NCAPH2: variants seen among roughly 807,000 people sequenced by gnomAD.
NCAPH2 encodes the protein condensin-2 complex subunit H2.
In NCAPH2, 56 loss-of-function variants were observed where a neutral mutation model predicts 88.6. That is an observed-to-expected ratio of 0.63 (90% CI 0.51 to 0.79). The LOEUF is 0.79. Ranked by LOEUF, NCAPH2 falls within the 30% of genes least tolerant of loss-of-function variation. The pLI is 0.00. For synonymous variants in NCAPH2, 378 were observed against 313.6 expected (o/e 1.21, Z -2.17); for missense variants, 794 against 792.0 (o/e 1.00, Z -0.03).
In NCAPH2 at chr22:50,518,148, C is replaced by T; in HGVS notation, c.516C>T (p.Val172=). 1 of 1,614,044 alleles carries T rather than the reference C, an allele frequency of 6.2e-7. No homozygotes were observed. Among genetic ancestry groups the T allele is most frequent in the Non-Finnish European group, 8.5e-7 (1 of 1,179,978 alleles). Residue 172 remains valine (V), a synonymous_variant, in exon 7 of 20, where the codon GTC becomes GTT. Coordinates refer to ENST00000420993, the MANE Select transcript of NCAPH2 (RefSeq NM_152299.4). ...NNPLYSRQGE[V]LASRKDFRMN... ...GCCAGCACAGCCGTCAGGGTGAGGT[C>T]CTGGCCAGCCGGAAGGATTTCAGGA... is the stretch of plus-strand genomic sequence containing the variant.
chr22:50,521,649 C>A (rs780343233), intron 11 of NCAPH2, 40 bp downstream of exon 11: 4 of 1,606,064 alleles, frequency 2.5e-6, no homozygotes, highest in Non-Finnish European at 3.4e-6. Flanking sequence ...GTACCCCTGG[C>A]TGGGTTTCCT....
rs2068968668 is a variant in NCAPH2, at chr22:50,517,759, T to C, written c.370T>C (p.Phe124Leu). 2 of 1,614,026 alleles carry C rather than the reference T, an allele frequency of 1.2e-6. No individual in the cohort carries two copies. The highest frequency in any genetic ancestry group is 4.5e-5 in the East Asian group (2 of 44,882). ...CCTCCAGTTCCTGTCGCTGGATGAC[T>C]TCCCTGACTCCCGGACTAACGTGGA... ...AENEFLSLDDFPDSRTNVDLK... is the reference protein window; with the variant it reads ...AENEFLSLDDLPDSRTNVDLK... The change falls in exon 5 of 20, where the codon TTC (phenylalanine) becomes CTC (leucine). Residue 124 changes from phenylalanine to leucine, a missense_variant. Transcript: ENST00000420993.
rs772111648 is a variant in NCAPH2 at position 50,522,328 on chromosome 22, G to A, written c.1234-15G>A. The A allele has an allele frequency of 1.7e-5, 27 of 1,603,582 alleles. No homozygotes were observed. Among genetic ancestry groups the A allele is most frequent in the African/African-American group, 2.7e-5 (2 of 74,804 alleles). ...GGAGGTGACAGTGCCCCTCACAGAT[G>A]CTTTCTCTGGACAGGTGGCTGAGCA... On this transcript the variant is annotated splice_polypyrimidine_tract_variant and intron_variant, in intron 14 of 19. Transcript: ENST00000420993.
Position 50,522,057 on chromosome 22 carries a change from G to C in NCAPH2, c.1162+18G>C, listed in dbSNP as rs374331509. 12 of 1,613,846 alleles carry C rather than the reference G, an allele frequency of 7.4e-6. No homozygotes were observed. The South Asian group carries it at 1.1e-4, about 15-fold the overall frequency. On this transcript the variant is annotated intron_variant, in intron 13 of 19. Coordinates refer to ENST00000420993, the MANE Select transcript of NCAPH2 (RefSeq NM_152299.4). ...CTTTGCAGGTGAGGCTGAAGTCCTC[G>C]GGGAAGACAGTTTTACTCTCCTTCC...
In NCAPH2 at chr22:50,523,144, C is replaced by G; in HGVS notation, c.1655C>G (p.Ser552Cys). The change falls in exon 19 of 20, where the codon TCC becomes TGC. Residue 552 changes from serine (S) to cysteine (C), a missense_variant. By Grantham distance (112) the Ser-to-Cys change is moderately radical. Coordinates refer to ENST00000420993, the MANE Select transcript of NCAPH2 (RefSeq NM_152299.4). Reference protein sequence around the residue: ...AGQPAFEVCRSMLASLQLAND... With the variant: ...AGQPAFEVCRCMLASLQLAND... Reference sequence around the variant, plus strand: ...CAGCCGGCCTTCGAGGTGTGTCGTTCCATGCTGGCCTCCCTGCAGCTGGTG... The same window carrying G: ...CAGCCGGCCTTCGAGGTGTGTCGTTGCATGCTGGCCTCCCTGCAGCTGGTG... 1 of 1,613,770 alleles carries G rather than the reference C, an allele frequency of 6.2e-7. No homozygotes were observed. Among genetic ancestry groups the G allele is most frequent in the Non-Finnish European group, 8.5e-7 (1 of 1,179,906 alleles).
intron 9 of NCAPH2, chr22:50,519,808 A>G (rs1464843163): frequency 4.3e-6 from 4 of 920,064 alleles, no homozygotes; most frequent in South Asian, 5.0e-5. Context: ...TGGCATGGAT[A>G]TTTGTCATAT....
intron 5 of NCAPH2, 64 bp from the exon 6 acceptor site, chr22:50,517,909 G>GT: frequency 6.2e-7 from 1 of 1,603,138 alleles, no homozygotes; most frequent in Non-Finnish European, 8.5e-7. Flanking sequence ...ATTGCCCCAT[G>GT]TGGGTCCTGT....
intron 1 of NCAPH2, 108 bp from the exon 2 acceptor site, chr22:50,516,339 C>T (rs529675120): frequency 4.2e-5 from 40 of 945,442 alleles, no homozygotes; most frequent in Middle Eastern, 2.3e-4. Context: ...TAGAGCTGCC[C>T]GTCTCGGGAG....
In NCAPH2 at chr22:50,523,254, A is replaced by C. The variant is rs2069171439; in HGVS notation, c.1697A>C (p.Glu566Ala). The change falls in exon 20 of 20, where the codon GAG (glutamate) becomes GCG (alanine). Residue 566 changes from glutamate to alanine, a missense_variant. By Grantham distance (107) the Glu-to-Ala change is moderately radical. Coordinates refer to ENST00000420993, the MANE Select transcript of NCAPH2 (RefSeq NM_152299.4). ...SLQLANDYTV[E>A]ITQQPGLEMA... ...CTGCAGGCCAATGACTACACAGTGG[A>C]GATAACCCAGCAGCCCGGGCTGGAG... The C allele has an allele frequency of 1.9e-6, 3 of 1,612,502 alleles. No homozygotes were observed. Among genetic ancestry groups the C allele is most frequent in the African/African-American group, 2.7e-5 (2 of 74,898 alleles).
Position 50,523,661 on chromosome 22 carries a change from A to G in NCAPH2, c.*286A>G. On this transcript the variant is annotated 3_prime_UTR_variant, in exon 20 of 20. Transcript: ENST00000420993. ...GCCATGTGCCGCCGCACACTGTCTG[A>G]GATCTGCTCAGCCGATCTGCTCCGG... 6.2e-7 allele frequency: 1 copy of G among 1,614,048 alleles called. No homozygotes were observed. The highest frequency in any genetic ancestry group is 8.5e-7 in the Non-Finnish European group (1 of 1,180,036).
rs2068686194 is a variant in NCAPH2 at position 50,508,459 on chromosome 22, G to C, written c.108+14G>C. The C allele has an allele frequency of 7.3e-7, 1 of 1,377,236 alleles. No individual in the cohort carries two copies. Among genetic ancestry groups the C allele is most frequent in the Non-Finnish European group, 9.5e-7 (1 of 1,057,158 alleles). 85.3% of individuals were successfully genotyped at this position (1,377,236 alleles called of 1,614,324 possible). A position where few individuals can be genotyped will look rare whatever the true frequency, so the allele number is the denominator to read the frequency against. On this transcript the variant is annotated intron_variant, in intron 1 of 19. Transcript: ENST00000420993. ...TATCTGGAGGAGGTAAGGGCGGCGG[G>C]GGAGTGACGCGGGGTGGGCCGGCGG...
rs1262198604 is a variant in NCAPH2 at position 50,524,163 on chromosome 22, C to T, written c.*788C>T. 6.2e-7 allele frequency: 1 copy of T among 1,610,922 alleles called. No homozygotes were observed. The highest frequency in any genetic ancestry group is 8.5e-7 in the Non-Finnish European group (1 of 1,180,014). On this transcript the variant is annotated 3_prime_UTR_variant, in exon 20 of 20. Coordinates refer to ENST00000420993, the MANE Select transcript of NCAPH2 (RefSeq NM_152299.4). ...CTGTTCGCTTTTGCTGCTGCAGCCT[C>T]TCCTTCTCAGCCCTCAGGGCCAGCC...
chr22:50,516,845 C>T (rs576994877), intron 2 of NCAPH2, among the ~76,000 whole-genome samples: 51 of 152,374 alleles, frequency 3.3e-4, no homozygotes, highest in South Asian at 1.9e-3. Flanking sequence ...TCCCCTTCCC[C>T]GTCCCCTACT....
intron 1 of NCAPH2, among the ~76,000 whole-genome samples, chr22:50,512,056 G>C (rs2068799131): frequency 1.3e-5 from 2 of 152,186 alleles, no homozygotes; most frequent in Admixed American, 1.3e-4. Flanking sequence ...AAAGTGCTGG[G>C]ATTGCAGGTG....
At position 50,518,243 on chromosome 22, in the gene NCAPH2, C is replaced by G; in HGVS notation, c.611C>G (p.Pro204Arg). 6.2e-7 allele frequency: 1 copy of G among 1,613,824 alleles called. No individual in the cohort carries two copies. Among genetic ancestry groups the G allele is most frequent in the South Asian group, 1.1e-5 (1 of 91,076 alleles). Residue 204 changes from proline (P) to arginine (R), a missense_variant, in exon 7 of 20, where the codon CCA becomes CGA. Around this residue, in one of 2 missense-constraint regions of NCAPH2, gnomAD observed 735 missense variants for 696.3 expected, o/e 1.06. Transcript: ENST00000420993. ...LEPEGMSPME[P>R]AGVSPMPGTQ... Reference sequence around the variant, plus strand: ...CCAGAGGGCATGTCCCCCATGGAACCAGCGGGCGTTTCCCCCATGCCAGGG... The same window carrying G: ...CCAGAGGGCATGTCCCCCATGGAACGAGCGGGCGTTTCCCCCATGCCAGGG...
chr22:50,510,836 C>T (rs1297018791), intron 1 of NCAPH2, among the ~76,000 whole-genome samples: 2 of 151,522 alleles, frequency 1.3e-5, no homozygotes, highest in African/African-American at 2.4e-5. Context: ...GAATGTTTAT[C>T]ATAAACCATT....
intron 11 of NCAPH2, 31 bp from the exon 12 acceptor site, chr22:50,521,710 C>T (rs529282633): frequency 1.1e-5 from 18 of 1,612,336 alleles, no homozygotes; most frequent in East Asian, 2.2e-5. Flanking sequence ...GATCCCCCAG[C>T]GGCTCTAAGA....
intron 9 of NCAPH2, chr22:50,520,720 G>C: frequency 2.2e-6 from 1 of 463,558 alleles, no homozygotes; most frequent in Non-Finnish European, 3.9e-6. Flanking sequence ...CACCACACCC[G>C]GCTAATTTTT....
chr22:50,515,872 T>C (rs1302192001), intron 1 of NCAPH2: 2 of 1,158,070 alleles, frequency 1.7e-6, no homozygotes, highest in Non-Finnish European at 2.3e-6. Context: ...CTGGTCGGGT[T>C]GGGTTTGGGG....
Sources: allele counts gnomAD v4.1 joint callset (sites outside exome capture counted in the v4.1 genomes callset), GRCh38; gene constraint gnomAD v4.1.1; regional missense constraint gnomAD v4.1.1; transcripts MANE v1.5; gene names NCBI Gene and HGNC (gene_info 2026-07-23, HGNC 2026-07-21).